The following ADAMTSL3 variants were observed in gnomAD, a reference collection of about 807,000 sequenced individuals.
The protein encoded by ADAMTSL3 is ADAMTS-like protein 3.
ADAMTSL3 carries 128 observed loss-of-function variants against 201.7 expected under a neutral mutation model. The ratio of observed to expected loss-of-function variants is 0.63; its 90% CI spans 0.55 to 0.73. The LOEUF is 0.73. Ranked by LOEUF, ADAMTSL3 falls within the 30% of genes least tolerant of loss-of-function variation. The pLI, the probability that ADAMTSL3 is intolerant of heterozygous loss-of-function variation, is 0.00. For missense variants in ADAMTSL3, 1,990 were observed against 2,119.6 expected (o/e 0.94, Z 1.20); for synonymous variants, 738 against 748.4 (o/e 0.99, Z 0.23).
intron 17 of ADAMTSL3, among the ~76,000 whole-genome samples, chr15:83,925,497 C>A (rs2066229272): frequency 6.6e-6 from 1 of 152,082 alleles, no homozygotes; most frequent in African/African-American, 2.4e-5. Flanking sequence ...CCTCCCACTC[C>A]CACCCCCAGG....
At chr15:83,905,851 C>T (rs1161285641) in intron 15 of ADAMTSL3, among the ~76,000 whole-genome samples, 5 of 152,048 alleles carry the variant, frequency 3.3e-5, no homozygotes, top group African/African-American at 1.2e-4. Flanking sequence ...AGCAGTACTC[C>T]AGCTTGCCTT....
chr15:83,872,627 C>CACACACATACACACACACACAG, intron 9 of ADAMTSL3, among the ~76,000 whole-genome samples: 1 of 141,022 alleles, frequency 7.1e-6, no homozygotes, highest in South Asian at 2.2e-4. Flanking sequence ...CACACACACA[C>CACACACATACACACACACACAG]AGAGTTTTTG....
intron 6 of ADAMTSL3, 125 bp downstream of exon 6, chr15:83,820,172 G>A: frequency 1.3e-6 from 1 of 774,416 alleles, no homozygotes; most frequent in Admixed American, 2.2e-5. Flanking sequence ...GCCAGGTACG[G>A]TGGCTTACAC....
intron 20 of ADAMTSL3, among the ~76,000 whole-genome samples, chr15:83,977,440 A>C (rs1043545460): frequency 6.6e-6 from 1 of 152,200 alleles, no homozygotes; most frequent in African/African-American, 2.4e-5. Context: ...TAGACAGATA[A>C]ACTTGAAGGC....
chr15:83,940,620 T>A (rs1030843447), intron 17 of ADAMTSL3, among the ~76,000 whole-genome samples: 3 of 152,246 alleles, frequency 2.0e-5, no homozygotes, highest in African/African-American at 7.2e-5. Context: ...ACATTTGAAT[T>A]TGTTGGTGAC....
chr15:83,890,336 T>A (rs2065479231), intron 11 of ADAMTSL3, 89 bp downstream of exon 11: 2 of 1,488,418 alleles, frequency 1.3e-6, no homozygotes, highest in African/African-American at 2.8e-5. Context: ...GGCAATACAT[T>A]TCCATTTCCT....
intron 23 of ADAMTSL3, among the ~76,000 whole-genome samples, chr15:84,003,975 A>C (rs765374048): frequency 1.1e-4 from 17 of 152,186 alleles, no homozygotes; most frequent in Admixed American, 2.6e-4. Context: ...CGGAAATAAG[A>C]AAGCATGCAA....
chr15:83,851,312 G>C (rs1031941462), intron 7 of ADAMTSL3, among the ~76,000 whole-genome samples: 3 of 152,074 alleles, frequency 2.0e-5, no homozygotes, highest in Non-Finnish European at 2.9e-5. Flanking sequence ...TTATATAGTA[G>C]GCAGCTCCAC....
At chr15:83,784,341 G>A (rs577091561) in intron 4 of ADAMTSL3, among the ~76,000 whole-genome samples, 1 of 152,222 alleles carries the variant, frequency 6.6e-6, no homozygotes, top group East Asian at 1.9e-4. Context: ...ATTCTCCTGT[G>A]GATCTCTTCT....
intron 2 of ADAMTSL3, among the ~76,000 whole-genome samples, chr15:83,699,629 G>A (rs575037572): frequency 1.3e-5 from 2 of 152,274 alleles, no homozygotes; most frequent in South Asian, 4.2e-4. Flanking sequence ...TTACCATAAG[G>A]CTTTAAATGT....
At chr15:83,924,750 A>G (rs1015945086) in intron 17 of ADAMTSL3, among the ~76,000 whole-genome samples, 1 of 152,088 alleles carries the variant, frequency 6.6e-6, no homozygotes, top group Non-Finnish European at 1.5e-5. Context: ...CTCACACAAG[A>G]CCTTTCTGAA....
intron 16 of ADAMTSL3, among the ~76,000 whole-genome samples, chr15:83,916,049 C>T (rs1286304030): frequency 6.6e-6 from 1 of 152,122 alleles, no homozygotes; most frequent in Non-Finnish European, 1.5e-5. Context: ...TTAAAACATA[C>T]AAGTTTTTTG....
intron 19 of ADAMTSL3, among the ~76,000 whole-genome samples, chr15:83,946,196 G>A (rs556360751): frequency 1.3e-5 from 2 of 152,312 alleles, no homozygotes; most frequent in East Asian, 1.9e-4. Context: ...TGGAACAAAC[G>A]GTTGTCACTG....
chr15:83,847,146 C>G (rs147680583), intron 7 of ADAMTSL3, among the ~76,000 whole-genome samples: 3 of 152,328 alleles, frequency 2.0e-5, no homozygotes, highest in Non-Finnish European at 2.9e-5. Context: ...CCTAACAGCT[C>G]AAGGCATGCT....
chr15:84,019,858 A>T (rs1303564424), intron 25 of ADAMTSL3, among the ~76,000 whole-genome samples: 1 of 139,062 alleles, frequency 7.2e-6, no homozygotes, highest in Admixed American at 8.1e-5. Flanking sequence ...ATGCCACCAC[A>T]CTCCAGCCTG....
chr15:83,719,176 A>G (rs1204329959), intron 3 of ADAMTSL3, among the ~76,000 whole-genome samples: 2 of 152,250 alleles, frequency 1.3e-5, no homozygotes, highest in Non-Finnish European at 2.9e-5. Flanking sequence ...TTGAGGCTGC[A>G]GATCTAACTA....
rs188946308 is a variant in ADAMTSL3 at position 83,931,759 on chromosome 15, G to A, written c.2117+7726G>A. Among the ~76,000 whole-genome samples, 3 of 152,340 alleles carry A rather than the reference G, an allele frequency of 2.0e-5. No individual in the cohort carries two copies. The East Asian group carries it at 5.8e-4, about 29-fold the overall frequency. On this transcript the variant is annotated intron_variant, in intron 17 of 29. Transcript: ENST00000286744. Reference sequence around the variant, plus strand: ...AGGAAAGGAATGGAAACATGAGGTGGTGAATGGAGCTGCACTTGTGGTTAT... The same window carrying A: ...AGGAAAGGAATGGAAACATGAGGTGATGAATGGAGCTGCACTTGTGGTTAT...
intron 2 of ADAMTSL3, among the ~76,000 whole-genome samples, chr15:83,659,279 A>G (rs1355263615): frequency 1.3e-5 from 2 of 152,246 alleles, no homozygotes; most frequent in African/African-American, 4.8e-5. Context: ...GGGAGGTCTT[A>G]TAAGTCTGTG....
intron 8 of ADAMTSL3, among the ~76,000 whole-genome samples, chr15:83,868,931 CCCTT>C (rs2065030042): frequency 6.6e-6 from 1 of 152,138 alleles, no homozygotes; most frequent in African/African-American, 2.4e-5. Flanking sequence ...AACTGGTCCT[CCCTT>C]CCTCCCAGAT....
Sources: gnomAD v4.1 joint callset for allele counts (sites outside exome capture counted in the v4.1 genomes callset) on GRCh38, gnomAD v4.1.1 for gene constraint, MANE v1.5 for transcripts, NCBI Gene and HGNC (gene_info 2026-07-23, HGNC 2026-07-21) for gene names.